Variants in SUSD2 observed in about 807,000 individuals in gnomAD.
SUSD2 encodes the protein sushi domain-containing protein 2.
A neutral mutation model predicts 93.8 loss-of-function variants in SUSD2; 86 were observed. That is an observed-to-expected ratio of 0.92 (90% CI 0.77 to 1.10). SUSD2 has a LOEUF of 1.10. Ranked by LOEUF, SUSD2 falls within the 50% of genes least tolerant of loss-of-function variation. The pLI is 0.00. For synonymous variants in SUSD2, 483 were observed against 485.0 expected (o/e 1.00, Z 0.05); for missense variants, 1,060 against 1,137.0 (o/e 0.93, Z 0.97).
Position 24,186,126 on chromosome 22 carries a change from C to A in SUSD2, c.1450C>A (p.Gln484Lys). The change falls in exon 9 of 15, where the codon CAG (glutamine) becomes AAG (lysine). Residue 484 changes from glutamine (Q) to lysine (K), a missense_variant. Transcript: ENST00000358321. ...GGCAGCGCTGACCGACCTGAGGGTG[C>A]AGGCGCGGGCCCAGCCCGGGACGAT... is the stretch of plus-strand genomic sequence containing the variant. ...LEAALTDLRVQARAQPGTMSN... is the reference protein window; with the variant it reads ...LEAALTDLRVKARAQPGTMSN... The A allele has an allele frequency of 6.2e-7, 1 of 1,611,484 alleles. No homozygotes were observed. Among genetic ancestry groups the A allele is most frequent in the Non-Finnish European group, 8.5e-7 (1 of 1,179,120 alleles).
intron 3 of SUSD2, 96 bp from the exon 4 acceptor site, chr22:24,184,040 T>C: frequency 1.6e-6 from 2 of 1,224,664 alleles, no homozygotes; most frequent in Non-Finnish European, 2.3e-6. Context: ...TGCCATGCAT[T>C]GGCCCTGGAG....
intron 6 of SUSD2, 87 bp downstream of exon 6, chr22:24,185,382 C>T: frequency 6.5e-7 from 1 of 1,543,956 alleles, no homozygotes; most frequent in Non-Finnish European, 8.8e-7. Context: ...ACAGAGGTGT[C>T]CTGGAGGGTG....
Position 24,185,791 on chromosome 22 carries a change from C to T in SUSD2, c.1201C>T (p.Pro401Ser). 1 of 1,610,488 alleles carries T rather than the reference C, an allele frequency of 6.2e-7. No individual in the cohort carries two copies. The highest frequency in any genetic ancestry group is 8.5e-7 in the Non-Finnish European group (1 of 1,178,862). The change falls in exon 8 of 15, where the codon CCC (proline) becomes TCC (serine). Residue 401 changes from proline to serine, a missense_variant. Pro to Ser is a moderately conservative substitution (Grantham distance 74, BLOSUM62 -1). Around this residue, in one of 2 missense-constraint regions of SUSD2, gnomAD observed 973 missense variants for 1,005.3 expected, o/e 0.97. Transcript: ENST00000358321. ...DWGAPPFRTPPRVPSMSHWLY... is the reference protein window; with the variant it reads ...DWGAPPFRTPSRVPSMSHWLY... The stretch of plus-strand genomic sequence containing the variant: ...GGGCGCACCCCCGTTCCGCACGCCA[C>T]CCCGAGTGCCCAGCATGTCCCACTG...
chr22:24,182,595 C>A, intron 1 of SUSD2: 1 of 181,732 alleles, frequency 5.5e-6, no homozygotes, highest in East Asian at 1.5e-4. Context: ...CACCCCAGTC[C>A]AGGCAAGCAA....
chr22:24,188,564 C>T lies in SUSD2; in HGVS notation c.*128C>T, dbSNP rs2047386478. On this transcript the variant is annotated 3_prime_UTR_variant, in exon 15 of 15. Coordinates refer to ENST00000358321, the MANE Select transcript of SUSD2 (RefSeq NM_019601.4). This position sits in a 1 kb window ranked among gnomAD's most constrained non-coding sequence, Gnocchi z 4.7. The stretch of plus-strand genomic sequence containing the variant: ...ACTTGATACCTGGGCATTTAACCCC[C>T]TACTCTGTCATCTCAGACCCCAGGC... The T allele has an allele frequency of 1.1e-6, 1 of 885,582 alleles. No homozygotes were observed. The highest frequency in any genetic ancestry group is 2.2e-5 in the Admixed American group (1 of 44,470). 54.9% of individuals were successfully genotyped at this position (885,582 alleles called of 1,614,324 possible). A position where few individuals can be genotyped will look rare whatever the true frequency, so the allele number is the denominator to read the frequency against.
Position 24,188,300 on chromosome 22 carries a change from T to C in SUSD2, c.2417T>C (p.Val806Ala). 1 of 1,606,580 alleles carries C rather than the reference T, an allele frequency of 6.2e-7. No individual in the cohort carries two copies. Among genetic ancestry groups the C allele is most frequent in the Admixed American group, 1.7e-5 (1 of 59,780 alleles). ...AVVAAVALVY[V>A]LLRRRKGNTH... The stretch of plus-strand genomic sequence containing the variant: ...GTGGCGGCGGTTGCGCTCGTCTATG[T>C]GCTGCTGCGCCGCAGGAAGGGCAAC... Residue 806 changes from valine (V) to alanine (A), a missense_variant, in exon 14 of 15, where the codon GTG becomes GCG. By Grantham distance (64) the Val-to-Ala change is moderately conservative. Coordinates refer to ENST00000358321, the MANE Select transcript of SUSD2 (RefSeq NM_019601.4). The surrounding 1 kb of genome is among the most constrained non-coding windows in gnomAD (Gnocchi z 4.7).
Position 24,188,563 on chromosome 22 carries a change from C to T in SUSD2, c.*127C>T. On this transcript the variant is annotated 3_prime_UTR_variant, in exon 15 of 15. Transcript: ENST00000358321. This position sits in a 1 kb window ranked among gnomAD's most constrained non-coding sequence, Gnocchi z 4.7. ...TACTTGATACCTGGGCATTTAACCC[C>T]CTACTCTGTCATCTCAGACCCCAGG... 1 of 885,364 alleles carries T rather than the reference C, an allele frequency of 1.1e-6. No homozygotes were observed. The allele number at this position is 885,364 out of a possible 1,614,324, so 54.8% of individuals were successfully genotyped here.
rs372998715 is a variant in SUSD2, at chr22:24,185,117, A to G, written c.806A>G (p.Asn269Ser). Residue 269 changes from asparagine to serine, a missense_variant, in exon 6 of 15, where the codon AAC becomes AGC. Around this residue, in one of 2 missense-constraint regions of SUSD2, gnomAD observed 973 missense variants for 1,005.3 expected, o/e 0.97. Coordinates refer to ENST00000358321, the MANE Select transcript of SUSD2 (RefSeq NM_019601.4). Reference protein sequence around the residue: ...GQKDVQALWTNDHALAWHLSD... With the variant: ...GQKDVQALWTSDHALAWHLSD... ...AGGGACGTGCAGGCGCTCTGGACCAACGACCACGCACTGGCCTGGCACCTG... is the reference window on the plus strand; with the variant it reads ...AGGGACGTGCAGGCGCTCTGGACCAGCGACCACGCACTGGCCTGGCACCTG... 1.9e-5 allele frequency: 31 copies of G among 1,612,748 alleles called. No individual in the cohort carries two copies. The highest frequency in any genetic ancestry group is 2.5e-5 in the Non-Finnish European group (30 of 1,179,814).
At chr22:24,185,061 G>C in intron 5 of SUSD2, 33 bp from the exon 6 acceptor site, 1 of 1,611,776 alleles carries the variant, frequency 6.2e-7, no homozygotes, top group Non-Finnish European at 8.5e-7. Context: ...GGTGGTGTGG[G>C]CTGGCCCAGC....
rs1286053437 is a variant in SUSD2 at position 24,186,174 on chromosome 22, AG to A, written c.1483+19del. 1 of 1,608,496 alleles carries A rather than the reference AG, an allele frequency of 6.2e-7. No homozygotes were observed. The highest frequency in any genetic ancestry group is 1.3e-5 in the African/African-American group (1 of 74,896). On this transcript the variant is annotated intron_variant, in intron 9 of 14. Transcript: ENST00000358321. ...GATGTCCAACGGTGAGGCCAGGGCT[AG>A]GGGCTGCTCTGGTTGGCATGGGGTA...
chr22:24,187,510 G>T, intron 11 of SUSD2, 60 bp downstream of exon 11: 3 of 1,604,514 alleles, frequency 1.9e-6, no homozygotes, highest in Non-Finnish European at 2.6e-6. Context: ...ACATGGCACG[G>T]GCAGGGCTTG....
At position 24,185,535 on chromosome 22, in the gene SUSD2, C is replaced by G; in HGVS notation, c.1034C>G (p.Pro345Arg). The G allele has an allele frequency of 6.3e-7, 1 of 1,583,484 alleles. No individual in the cohort carries two copies. Among genetic ancestry groups the G allele is most frequent in the Non-Finnish European group, 8.6e-7 (1 of 1,164,908 alleles). ...CAGGGCAGCGTGTGCACCTACCACC[C>G]CGGGGCCGTGCACTGTGTGCGTTCT... Reference protein sequence around the residue: ...MEQGSVCTYHPGAVHCVRSVQ... With the variant: ...MEQGSVCTYHRGAVHCVRSVQ... Residue 345 changes from proline to arginine, a missense_variant, in exon 7 of 15, where the codon CCC (proline) becomes CGC (arginine). By Grantham distance (103) the Pro-to-Arg change is moderately radical (BLOSUM62 -2). Around this residue, in one of 2 missense-constraint regions of SUSD2, gnomAD observed 973 missense variants for 1,005.3 expected, o/e 0.97. Coordinates refer to ENST00000358321, the MANE Select transcript of SUSD2 (RefSeq NM_019601.4).
chr22:24,185,593 G>T, intron 7 of SUSD2, 22 bp downstream of exon 7: 1 of 1,599,328 alleles, frequency 6.3e-7, no homozygotes, highest in Non-Finnish European at 8.5e-7. Context: ...GGCTGGGGCC[G>T]GTATGGGGAT....
chr22:24,183,879 G>T (rs572083228), intron 3 of SUSD2: 3 of 649,810 alleles, frequency 4.6e-6, no homozygotes, highest in African/African-American at 3.6e-5. Flanking sequence ...AGGTGGGCCA[G>T]TGCCTATCCA....
chr22:24,183,607 A>G lies in SUSD2; in HGVS notation c.400A>G (p.Asn134Asp), dbSNP rs1218012088. 2 of 1,612,850 alleles carry G rather than the reference A, an allele frequency of 1.2e-6. No individual in the cohort carries two copies. Among genetic ancestry groups the G allele is most frequent in the Non-Finnish European group, 1.7e-6 (2 of 1,179,962 alleles). The change falls in exon 3 of 15, where the codon AAC becomes GAC. Residue 134 changes from asparagine (N) to aspartate (D), a missense_variant. Around this residue, in one of 2 missense-constraint regions of SUSD2, gnomAD observed 973 missense variants for 1,005.3 expected, o/e 0.97. Transcript: ENST00000358321. ...GRIPFTVSLD[N>D]GHSFPRAGTW... ...CATCCCCTTCACTGTGTCACTGGAC[A>G]ACGGCCACTCCTTCCCTCGTGCGGG...
At chr22:24,182,313 G>A (rs1365420010) in intron 1 of SUSD2, among the ~76,000 whole-genome samples, 3 of 152,106 alleles carry the variant, frequency 2.0e-5, no homozygotes, top group South Asian at 4.1e-4. Flanking sequence ...CTTGCCCACC[G>A]GTCTTATGGC....
In SUSD2 at chr22:24,187,651, G is replaced by T. The variant is rs928007468; in HGVS notation, c.1972G>T (p.Asp658Tyr). 7 of 1,613,940 alleles carry T rather than the reference G, an allele frequency of 4.3e-6. No individual in the cohort carries two copies. The Admixed American group carries it at 1.2e-4, about 27-fold the overall frequency. Residue 658 changes from aspartate to tyrosine, a missense_variant, in exon 12 of 15, where the codon GAC becomes TAC. By Grantham distance (160) the Asp-to-Tyr change is radical. Transcript: ENST00000358321. ...VHNFLYQPKHDPTFEPLFPSE... is the reference protein window; with the variant it reads ...VHNFLYQPKHYPTFEPLFPSE... ...CAACTTCCTGTACCAACCCAAGCAC[G>T]ACCCCACCTTCGAGCCCCTCTTCCC...
intron 3 of SUSD2, 148 bp downstream of exon 3, chr22:24,183,794 A>G (rs1338271171): frequency 2.2e-6 from 2 of 918,914 alleles, no homozygotes; most frequent in Non-Finnish European, 3.2e-6. Context: ...GAGTTCCTTC[A>G]GCTCCTTTCC....
rs754924460 is a variant in SUSD2 at position 24,186,215 on chromosome 22, G to T, written c.1484-42G>T. 1.9e-6 allele frequency: 3 copies of T among 1,610,456 alleles called. No homozygotes were observed. In the East Asian group the frequency reaches 6.7e-5, roughly 36 times the overall value. On this transcript the variant is annotated intron_variant, in intron 9 of 14. Coordinates refer to ENST00000358321, the MANE Select transcript of SUSD2 (RefSeq NM_019601.4). The stretch of plus-strand genomic sequence containing the variant: ...GGCATGGGGTAGAACCAAGGTGGGA[G>T]GCTGGAGCCAAGTGGCTCCCGTTCT...
Sources: allele counts gnomAD v4.1 joint callset (sites outside exome capture counted in the v4.1 genomes callset), GRCh38; gene constraint gnomAD v4.1.1; regional missense constraint gnomAD v4.1.1; non-coding constraint Gnocchi (gnomAD v3.1); transcripts MANE v1.5; gene names NCBI Gene and HGNC (gene_info 2026-07-23, HGNC 2026-07-21).